The following CLU variants were observed in gnomAD, a reference collection of about 807,000 sequenced individuals.
CLU encodes aging-associated protein 4.
A neutral mutation model predicts 46.4 loss-of-function variants in CLU; 25 were observed. That is an observed-to-expected ratio of 0.54 (90% CI 0.39 to 0.75). The LOEUF is 0.75. Ranked by LOEUF, CLU falls within the 30% of genes least tolerant of loss-of-function variation. The pLI, the probability that CLU is intolerant of heterozygous loss-of-function variation, is 0.00. For missense variants in CLU, 504 were observed against 592.1 expected (o/e 0.85, Z 1.54); for synonymous variants, 235 against 235.1 (o/e 1.00, Z 0.00).
At chr8:27,611,406 C>T (rs1055680458) in intron 1 of CLU, 20 of 456,458 alleles carry the variant, frequency 4.4e-5, no homozygotes, top group Non-Finnish European at 8.3e-5. Context: ...CCCTCTAAGC[C>T]GACAGCAGGC....
At chr8:27,609,184 G>A in intron 2 of CLU, 98 bp from the exon 3 acceptor site, 1 of 1,375,062 alleles carries the variant, frequency 7.3e-7, no homozygotes, top group South Asian at 1.2e-5. Flanking sequence ...GTTCAGTTCA[G>A]GGGCTGTCAA....
Position 27,609,027 on chromosome 8 carries a change from C to T in CLU, c.157G>A (p.Val53Met). The change falls in exon 3 of 9, where the codon GTG becomes ATG. Residue 53 changes from valine to methionine, a missense_variant. Val to Met is a conservative substitution (Grantham distance 21, BLOSUM62 1). Coordinates refer to ENST00000316403, the MANE Select transcript of CLU (RefSeq NM_001831.4). ...TCTATGAGAGTCTTTATCTGTTTCA[C>T]CCCGTTGACAGCATTTTGAATTTCC... is the stretch of plus-strand genomic sequence containing the variant. ...NKEIQNAVNG[V>M]KQIKTLIEKT... 2 of 1,614,140 alleles carry T rather than the reference C, an allele frequency of 1.2e-6. No homozygotes were observed. Among genetic ancestry groups the T allele is most frequent in the Non-Finnish European group, 1.7e-6 (2 of 1,179,954 alleles).
intron 5 of CLU, 144 bp downstream of exon 5, chr8:27,604,780 A>C (rs910066084): frequency 3.8e-5 from 38 of 1,000,880 alleles, no homozygotes; most frequent in Non-Finnish European, 1.4e-5. Context: ...TGCCCAGCTC[A>C]GTTTTTTTCC....
intron 5 of CLU, 123 bp downstream of exon 5, chr8:27,604,801 A>G: frequency 6.8e-6 from 8 of 1,170,530 alleles, no homozygotes; most frequent in Non-Finnish European, 8.7e-6. Flanking sequence ...TCTTTAAATA[A>G]GGATAATATC....
chr8:27,605,408 G>A, intron 4 of CLU, 73 bp from the exon 5 acceptor site: 7 of 1,543,432 alleles, frequency 4.5e-6, no homozygotes, highest in Non-Finnish European at 6.2e-6. Flanking sequence ...CCACCCCCTG[G>A]TGAGCCAGGC....
At chr8:27,608,786 C>T (rs1800867400) in intron 3 of CLU, 152 bp downstream of exon 3, 2 of 820,080 alleles carry the variant, frequency 2.4e-6, no homozygotes, top group African/African-American at 1.7e-5. Flanking sequence ...ATGAACCTTC[C>T]CTGCTTCTTA....
At position 27,609,098 on chromosome 8, in the gene CLU, G is replaced by C; in HGVS notation, c.98-12C>G. ...CTGATTGGACATTTCTGCAAGAGAA[G>C]TGCAAGAGGCAGAATGAGGCGAGAG... On this transcript the variant is annotated splice_polypyrimidine_tract_variant and intron_variant, in intron 2 of 8. Coordinates refer to ENST00000316403, the MANE Select transcript of CLU (RefSeq NM_001831.4). 1 of 1,613,624 alleles carries C rather than the reference G, an allele frequency of 6.2e-7. No homozygotes were observed. The highest frequency in any genetic ancestry group is 1.7e-5 in the Admixed American group (1 of 60,028).
rs1489599054 is a variant in CLU at position 27,605,198 on chromosome 8, G to A, written c.555C>T (p.Ser185=). The change falls in exon 5 of 9, where the codon AGC becomes AGT. Residue 185 remains serine, a synonymous_variant. Coordinates refer to ENST00000316403, the MANE Select transcript of CLU (RefSeq NM_001831.4). ...VMQDHFSRAS[S]IIDELFQDRF... Reference sequence around the variant, plus strand: ...TGTCCTGGAAGAGCTCGTCTATGATGCTGGACGCGCGGCTGAAGTGGTCCT... The same window carrying A: ...TGTCCTGGAAGAGCTCGTCTATGATACTGGACGCGCGGCTGAAGTGGTCCT... The A allele has an allele frequency of 6.2e-7, 1 of 1,614,104 alleles. No homozygotes were observed. The highest frequency in any genetic ancestry group is 8.5e-7 in the Non-Finnish European group (1 of 1,180,046).
rs1800607462 is a variant in CLU, at chr8:27,596,922, T to C, written c.*1319A>G. ...TAACAGTGGAAAAGAAAAAGTAACT[T>C]TTGAAACAGTGTGACATTAATGTGA... is the stretch of plus-strand genomic sequence containing the variant. On this transcript the variant is annotated 3_prime_UTR_variant, in exon 9 of 9. Transcript: ENST00000316403. The C allele has an allele frequency of 2.2e-6, 1 of 449,610 alleles. No individual in the cohort carries two copies. The highest frequency in any genetic ancestry group is 2.4e-5 in the Admixed American group (1 of 42,196). The allele number at this position is 449,610 out of a possible 1,614,324, so 27.9% of individuals were successfully genotyped here.
At chr8:27,607,040 G>A (rs2128909484) in intron 3 of CLU, among the ~76,000 whole-genome samples, 1 of 152,300 alleles carries the variant, frequency 6.6e-6, no homozygotes, top group South Asian at 2.1e-4. Flanking sequence ...CAATAATTCT[G>A]TAAGAATCTG....
chr8:27,604,462 A>C (rs968593019), intron 5 of CLU, 67 bp from the exon 6 acceptor site: 99 of 1,220,678 alleles, frequency 8.1e-5, no homozygotes, highest in Non-Finnish European at 1.2e-4. Flanking sequence ...ACTGATTCCT[A>C]TTGTTATTTT....
Position 27,604,388 on chromosome 8 carries a change from G to A in CLU, c.837C>T (p.Asp279=), listed in dbSNP as rs757282082. 3.2e-5 allele frequency: 51 copies of A among 1,613,954 alleles called. No individual in the cohort carries two copies. Among genetic ancestry groups the A allele is most frequent in the Admixed American group, 3.3e-5 (2 of 60,014 alleles). The change falls in exon 6 of 9, where the codon GAC becomes GAT. Residue 279 remains aspartate, a synonymous_variant. Coordinates refer to ENST00000316403, the MANE Select transcript of CLU (RefSeq NM_001831.4). ...HPPTEFIREG[D]DDRTVCREIR... is the part of the protein sequence containing the mutation. ...TCTCCCGGCACACAGTCCGGTCATCGTCGCCTTCTGGGGACACACGAGGGA... is the reference window on the plus strand; with the variant it reads ...TCTCCCGGCACACAGTCCGGTCATCATCGCCTTCTGGGGACACACGAGGGA...
At chr8:27,608,730 A>G (rs1044904201) in intron 3 of CLU, 11 of 633,926 alleles carry the variant, frequency 1.7e-5, no homozygotes, top group Non-Finnish European at 2.5e-5. Flanking sequence ...CAGGCTCATA[A>G]CAAAACCAGA....
intron 7 of CLU, chr8:27,598,851 A>C (rs1004370751): frequency 1.7e-6 from 1 of 591,794 alleles, no homozygotes; most frequent in Admixed American, 2.9e-5. Context: ...GGCAAATGTC[A>C]TCTGCAAATG....
At chr8:27,613,124 C>T (rs368615385) in intron 1 of CLU, among the ~76,000 whole-genome samples, 1 of 152,256 alleles carries the variant, frequency 6.6e-6, no homozygotes, top group East Asian at 1.9e-4. Flanking sequence ...CATTGATTCA[C>T]ACCTGTCACC....
intron 3 of CLU, 59 bp downstream of exon 3, chr8:27,608,879 C>T: frequency 1.9e-6 from 3 of 1,596,924 alleles, no homozygotes; most frequent in East Asian, 2.2e-5. Flanking sequence ...CGCAGTGACC[C>T]CCTCCCTCCC....
Position 27,598,896 on chromosome 8 carries a change from G to C in CLU, c.1165-261C>G, listed in dbSNP as rs1339916195. On this transcript the variant is annotated intron_variant, in intron 7 of 8. Coordinates refer to ENST00000316403, the MANE Select transcript of CLU (RefSeq NM_001831.4). The stretch of plus-strand genomic sequence containing the variant: ...GGGAGCACCCCAAAGAATAAAAGTG[G>C]TTTCCAAACATTTGCTTTAGAAGCA... 3 of 499,280 alleles carry C rather than the reference G, an allele frequency of 6.0e-6. No homozygotes were observed. In the East Asian group the frequency reaches 1.1e-4, roughly 18 times the overall value. 30.9% of individuals were successfully genotyped at this position (499,280 alleles called of 1,614,324 possible). A position where few individuals can be genotyped will look rare whatever the true frequency, so the allele number is the denominator to read the frequency against.
intron 7 of CLU, 78 bp from the exon 8 acceptor site, chr8:27,598,713 T>C: frequency 7.0e-7 from 1 of 1,438,428 alleles, no homozygotes; most frequent in Non-Finnish European, 9.7e-7. Flanking sequence ...AAGTCAGGCT[T>C]CTGATAAGGA....
chr8:27,609,964 T>C (rs1328480882), intron 2 of CLU, among the ~76,000 whole-genome samples: 1 of 150,138 alleles, frequency 6.7e-6, no homozygotes, highest in Non-Finnish European at 1.5e-5. Context: ...TATATCTCAA[T>C]AAAATGGGGG....
Sources: allele counts gnomAD v4.1 joint callset (sites outside exome capture counted in the v4.1 genomes callset), GRCh38; gene constraint gnomAD v4.1.1; transcripts MANE v1.5; gene names NCBI Gene and HGNC (gene_info 2026-07-23, HGNC 2026-07-21).